The following DNM3 variants were observed in gnomAD, a reference collection of about 807,000 sequenced individuals.
DNM3 encodes the protein dynamin 3.
In DNM3, 47 loss-of-function variants were observed where a neutral mutation model predicts 101.6. The ratio of observed to expected loss-of-function variants is 0.46; its 90% CI spans 0.37 to 0.59. DNM3 has a LOEUF of 0.59. DNM3 is among the 20% of genes least tolerant of loss of function. The pLI is 0.00. For missense variants in DNM3, 849 were observed against 1,085.7 expected, an observed-to-expected ratio of 0.78 and a Z score of 3.06; for synonymous variants, 385 against 387.9, an observed-to-expected ratio of 0.99 and a Z score of 0.09.
At chr1:171,983,021 A>G (rs1016392342) in intron 2 of DNM3, among the ~76,000 whole-genome samples, 3 of 151,666 alleles carry the variant, frequency 2.0e-5, no homozygotes, top group Admixed American at 6.6e-5. Flanking sequence ...GTGCCTTCTC[A>G]CTTCCCTTAT....
chr1:172,049,176 G>A (rs538908123), intron 10 of DNM3, among the ~76,000 whole-genome samples: 1 of 152,260 alleles, frequency 6.6e-6, no homozygotes, highest in East Asian at 1.9e-4. Flanking sequence ...GTTCTGGGAA[G>A]GGGCAGTGTA....
intron 15 of DNM3, among the ~76,000 whole-genome samples, chr1:172,286,188 C>A (rs2063694231): frequency 6.6e-6 from 1 of 151,986 alleles, no homozygotes. Flanking sequence ...ACAGACTGGG[C>A]AGCAATTTTT....
chr1:171,858,798 G>A (rs775976223), intron 1 of DNM3, among the ~76,000 whole-genome samples: 5 of 152,060 alleles, frequency 3.3e-5, no homozygotes, highest in Non-Finnish European at 5.9e-5. Context: ...CACTGAAACC[G>A]CCCTTCCCAA....
intron 1 of DNM3, among the ~76,000 whole-genome samples, chr1:171,889,131 C>T (rs1250533611): frequency 6.6e-6 from 1 of 152,064 alleles, no homozygotes; most frequent in East Asian, 1.9e-4. Context: ...AGGCATGGAC[C>T]ACCATGCCCG....
At chr1:171,953,904 G>C (rs1571807667) in intron 2 of DNM3, among the ~76,000 whole-genome samples, 1 of 152,242 alleles carries the variant, frequency 6.6e-6, no homozygotes, top group Middle Eastern at 3.4e-3. Flanking sequence ...GGAAAGTATG[G>C]GATGTGGGAT....
At chr1:171,869,801 C>A (rs915013687) in intron 1 of DNM3, among the ~76,000 whole-genome samples, 3 of 152,164 alleles carry the variant, frequency 2.0e-5, no homozygotes, top group African/African-American at 7.2e-5. Context: ...GAAATTGAAT[C>A]CTGACCAATG....
At chr1:172,176,337 A>G (rs1210593150) in intron 14 of DNM3, among the ~76,000 whole-genome samples, 1 of 151,856 alleles carries the variant, frequency 6.6e-6, no homozygotes, top group African/African-American at 2.4e-5. Flanking sequence ...TTTCCCCTAG[A>G]GCTGGTCATA....
At chr1:172,027,612 A>G (rs2048301152) in intron 4 of DNM3, among the ~76,000 whole-genome samples, 1 of 141,382 alleles carries the variant, frequency 7.1e-6, no homozygotes, top group South Asian at 2.4e-4. Flanking sequence ...ACACACACAC[A>G]CACACAGAGA....
At chr1:172,225,991 C>G (rs2148585459) in intron 14 of DNM3, among the ~76,000 whole-genome samples, 1 of 152,150 alleles carries the variant, frequency 6.6e-6, no homozygotes, top group Non-Finnish European at 1.5e-5. Flanking sequence ...TATAGTTACA[C>G]AGTGTACTTT....
At chr1:172,375,907 C>A (rs911923007) in intron 17 of DNM3, among the ~76,000 whole-genome samples, 1 of 150,960 alleles carries the variant, frequency 6.6e-6, no homozygotes, top group East Asian at 1.9e-4. Context: ...TGGGAGGATC[C>A]CTTGAGTTCA....
intron 16 of DNM3, among the ~76,000 whole-genome samples, chr1:172,314,633 T>C (rs1310999458): frequency 6.6e-6 from 1 of 152,178 alleles, no homozygotes; most frequent in Admixed American, 6.5e-5. Context: ...GTCTCGCTGA[T>C]TGCTAGCACA....
intron 2 of DNM3, among the ~76,000 whole-genome samples, chr1:171,979,034 G>C (rs1320975718): frequency 6.6e-6 from 1 of 152,074 alleles, no homozygotes; most frequent in East Asian, 1.9e-4. Context: ...AGATGAAAAA[G>C]AGGGTAAGAA....
intron 15 of DNM3, among the ~76,000 whole-genome samples, chr1:172,291,472 G>A (rs1377889847): frequency 6.6e-6 from 1 of 152,160 alleles, no homozygotes; most frequent in Non-Finnish European, 1.5e-5. Flanking sequence ...CAAGATAAAG[G>A]CAGAATCTGT....
chr1:172,372,814 T>A (rs1362645558), intron 17 of DNM3, among the ~76,000 whole-genome samples: 1 of 150,884 alleles, frequency 6.6e-6, no homozygotes, highest in Non-Finnish European at 1.5e-5. Context: ...CTCCTGAGTA[T>A]CTGGAACTAC....
At chr1:172,018,369 A>G (rs2047594536) in intron 4 of DNM3, among the ~76,000 whole-genome samples, 1 of 152,080 alleles carries the variant, frequency 6.6e-6, no homozygotes, top group Admixed American at 6.6e-5. Context: ...TATAAGTTGC[A>G]CTTTTCTAAA....
chr1:172,384,902 A>C (rs1436433121), intron 18 of DNM3, among the ~76,000 whole-genome samples: 1 of 152,220 alleles, frequency 6.6e-6, no homozygotes, highest in Non-Finnish European at 1.5e-5. Context: ...GATTTGTGCA[A>C]ATATCCATGA....
intron 13 of DNM3, among the ~76,000 whole-genome samples, chr1:172,101,521 A>G (rs2054638170): frequency 6.6e-6 from 1 of 152,210 alleles, no homozygotes; most frequent in African/African-American, 2.4e-5. Context: ...AGGTTTTTGT[A>G]TTAAATGTGA....
intron 10 of DNM3, among the ~76,000 whole-genome samples, chr1:172,055,138 T>A (rs954706712): frequency 2.0e-5 from 3 of 152,104 alleles, no homozygotes; most frequent in Admixed American, 2.0e-4. Flanking sequence ...CCCTAGACAA[T>A]CTTGCCCCCT....
intron 12 of DNM3, among the ~76,000 whole-genome samples, chr1:172,083,107 T>C (rs2053275054): frequency 6.6e-6 from 1 of 152,206 alleles, no homozygotes; most frequent in African/African-American, 2.4e-5. Flanking sequence ...CCCTCCTCTC[T>C]TTTAGCCCCA....
Sources: gnomAD v4.1 joint callset for allele counts (sites outside exome capture counted in the v4.1 genomes callset) on GRCh38, gnomAD v4.1.1 for gene constraint, MANE v1.5 for transcripts, NCBI Gene and HGNC (gene_info 2026-07-23, HGNC 2026-07-21) for gene names.